The following HMBOX1 variants were observed in gnomAD, a reference collection of about 807,000 sequenced individuals.
The protein encoded by HMBOX1 is homeobox containing 1.
HMBOX1 carries 14 observed loss-of-function variants against 54.5 expected under a neutral mutation model. That is an observed-to-expected ratio of 0.26 (90% confidence interval 0.17 to 0.40). The LOEUF (loss-of-function observed/expected upper bound fraction) is 0.40, where lower values mean the gene tolerates loss of function less well. Ranked by LOEUF, HMBOX1 falls within the 10% of genes least tolerant of loss-of-function variation. The pLI is 1.00. For synonymous variants in HMBOX1, 160 were observed against 181.0 expected (o/e 0.88, Z 0.93); for missense variants, 332 against 514.4 (o/e 0.65, Z 3.43).
At chr8:28,973,439 C>T (rs1421185240) in intron 3 of HMBOX1, among the ~76,000 whole-genome samples, 1 of 152,200 alleles carries the variant, frequency 6.6e-6, no homozygotes, top group Non-Finnish European at 1.5e-5. Flanking sequence ...ATGGGCTTCA[C>T]ATCCCCCTCC....
At chr8:28,892,323 A>G (rs537738402) in intron 1 of HMBOX1, among the ~76,000 whole-genome samples, 1 of 152,302 alleles carries the variant, frequency 6.6e-6, no homozygotes, top group Admixed American at 6.5e-5. Context: ...AATTTCAATT[A>G]GAGTTAAAAA....
chr8:28,939,251 T>G (rs1820923814), intron 1 of HMBOX1, among the ~76,000 whole-genome samples: 1 of 149,606 alleles, frequency 6.7e-6, no homozygotes, highest in African/African-American at 2.5e-5. Context: ...ATTGCACCAT[T>G]GCACTCCAGC....
intron 4 of HMBOX1, among the ~76,000 whole-genome samples, chr8:29,001,395 C>G (rs1832616857): frequency 6.6e-6 from 1 of 152,014 alleles, no homozygotes; most frequent in Admixed American, 6.6e-5. Flanking sequence ...ACTAAAAATA[C>G]AAAAATTAGC....
At chr8:29,009,684 G>A in intron 5 of HMBOX1, 1 of 1,285,798 alleles carries the variant, frequency 7.8e-7, no homozygotes. Context: ...TGGACTTTAG[G>A]ATGCAGCTGC....
At chr8:28,931,820 C>T (rs930065402) in intron 1 of HMBOX1, among the ~76,000 whole-genome samples, 26 of 152,102 alleles carry the variant, frequency 1.7e-4, no homozygotes, top group Non-Finnish European at 2.9e-4. Context: ...GGATTACAGG[C>T]GTGAGCTACT....
intron 4 of HMBOX1, among the ~76,000 whole-genome samples, chr8:28,998,778 T>C (rs940223654): frequency 6.6e-6 from 1 of 152,090 alleles, no homozygotes; most frequent in Non-Finnish European, 1.5e-5. Flanking sequence ...TTAAATCCCT[T>C]GTCATTTCTT....
chr8:29,025,889 T>TC (rs1801940751), intron 6 of HMBOX1, among the ~76,000 whole-genome samples: 2 of 152,120 alleles, frequency 1.3e-5, no homozygotes, highest in South Asian at 4.1e-4. Context: ...GTTTATTTTT[T>TC]CCCACTCTCC....
At position 28,970,629 on chromosome 8, in the gene HMBOX1, T is replaced by C. The variant is rs1423581161; in HGVS notation, c.500+110T>C. On this transcript the variant is annotated intron_variant, in intron 3 of 9. Transcript: ENST00000287701. This position sits in a 1 kb window ranked among gnomAD's most constrained non-coding sequence, Gnocchi z 4.3. ...TAGCTATAAGAACTGTAACTTCCTC[T>C]AGCTATAAGAACTGTAACTTCCTCC... 3 of 669,276 alleles carry C rather than the reference T, an allele frequency of 4.5e-6. No individual in the cohort carries two copies. Among genetic ancestry groups the C allele is most frequent in the Non-Finnish European group, 7.6e-6 (3 of 392,646 alleles). The allele number at this position is 669,276 out of a possible 1,614,324, so 41.5% of individuals were successfully genotyped here.
intron 5 of HMBOX1, among the ~76,000 whole-genome samples, chr8:29,013,635 G>A (rs551967397): frequency 7.5e-4 from 114 of 152,312 alleles, no homozygotes; most frequent in Non-Finnish European, 1.4e-3. Context: ...ATGAAAGCCT[G>A]CCAAGGCATA....
chr8:28,996,254 A>T (rs1831814200), intron 4 of HMBOX1, among the ~76,000 whole-genome samples: 1 of 142,488 alleles, frequency 7.0e-6, no homozygotes, highest in African/African-American at 2.5e-5. Flanking sequence ...TGAGTTCTTT[A>T]TGTAAGTTCA....
At chr8:28,972,584 T>C (rs1827610434) in intron 3 of HMBOX1, among the ~76,000 whole-genome samples, 1 of 152,228 alleles carries the variant, frequency 6.6e-6, no homozygotes, top group Admixed American at 6.5e-5. Flanking sequence ...GTAGAGAGGA[T>C]ATCAACAATT....
At chr8:29,041,724 G>A (rs1413160300) in intron 6 of HMBOX1, among the ~76,000 whole-genome samples, 1 of 152,090 alleles carries the variant, frequency 6.6e-6, no homozygotes, top group African/African-American at 2.4e-5. Context: ...GCAAGAGAAA[G>A]GCACAGAGAT....
chr8:29,030,299 C>T lies in HMBOX1; in HGVS notation c.851+11386C>T, dbSNP rs113756969. Among the ~76,000 whole-genome samples, 670 of 151,642 alleles carry T rather than the reference C, an allele frequency of 4.4e-3. 10 individuals carry two copies. The East Asian group carries it at 0.055, about 12-fold the overall frequency. On this transcript the variant is annotated intron_variant, in intron 6 of 9. Coordinates refer to ENST00000287701, the MANE Select transcript of HMBOX1 (RefSeq NM_001135726.3). The stretch of plus-strand genomic sequence containing the variant: ...ATGGCGTGATCTCAGCTCACTGCAA[C>T]ATCCGCCTCCCAGGTTCAAGTGATT...
chr8:29,041,419 T>A (rs1239518153), intron 6 of HMBOX1, among the ~76,000 whole-genome samples: 1 of 152,180 alleles, frequency 6.6e-6, no homozygotes, highest in African/African-American at 2.4e-5. Context: ...TGGTGGTGCC[T>A]TTGTCTATCA....
At chr8:28,919,986 TG>T (rs1817254448) in intron 1 of HMBOX1, among the ~76,000 whole-genome samples, 1 of 152,010 alleles carries the variant, frequency 6.6e-6, no homozygotes, top group African/African-American at 2.4e-5. Context: ...TGTGTGTGTG[TG>T]TGTGTGTGTG....
At chr8:28,983,326 GA>G (rs1311448122) in intron 4 of HMBOX1, among the ~76,000 whole-genome samples, 1 of 152,124 alleles carries the variant, frequency 6.6e-6, no homozygotes, top group Non-Finnish European at 1.5e-5. Context: ...GCCCCCAGCT[GA>G]ATTTCACTAT....
chr8:29,019,886 T>A (rs2133012043), intron 6 of HMBOX1, among the ~76,000 whole-genome samples: 1 of 152,340 alleles, frequency 6.6e-6, no homozygotes, highest in South Asian at 2.1e-4. Flanking sequence ...TTCAGATGTT[T>A]TTGTTCATGT....
intron 4 of HMBOX1, among the ~76,000 whole-genome samples, chr8:28,990,210 G>A (rs958850844): frequency 8.6e-5 from 13 of 152,008 alleles, no homozygotes; most frequent in African/African-American, 3.1e-4. Context: ...AGCACTAACA[G>A]TTCAATCTTG....
chr8:28,898,590 T>C (rs1050580340), intron 1 of HMBOX1, among the ~76,000 whole-genome samples: 1 of 152,202 alleles, frequency 6.6e-6, no homozygotes, highest in Non-Finnish European at 1.5e-5. Context: ...TGGTGATAAA[T>C]GGTTTCTTGT....
Sources: allele counts gnomAD v4.1 joint callset (sites outside exome capture counted in the v4.1 genomes callset), GRCh38; gene constraint gnomAD v4.1.1; non-coding constraint Gnocchi (gnomAD v3.1); transcripts MANE v1.5; gene names NCBI Gene and HGNC (gene_info 2026-07-23, HGNC 2026-07-21).